RABEP1: variants seen among roughly 807,000 people sequenced by gnomAD.
The protein encoded by RABEP1 is rab GTPase-binding effector protein 1.
In RABEP1, 51 loss-of-function variants were observed where a neutral mutation model predicts 123.4. That is an observed-to-expected ratio of 0.41 (90% CI 0.33 to 0.52). The LOEUF (loss-of-function observed/expected upper bound fraction) is 0.52, where lower values mean the gene tolerates loss of function less well. RABEP1 is among the 20% of genes least tolerant of loss of function. The pLI, the probability that RABEP1 is intolerant of heterozygous loss-of-function variation, is 0.16. For missense variants in RABEP1, 888 were observed against 996.3 expected, an observed-to-expected ratio of 0.89 and a Z score of 1.46; for synonymous variants, 347 against 355.2, an observed-to-expected ratio of 0.98 and a Z score of 0.26.
chr17:5,305,697 AGTG>A (rs995295277), intron 1 of RABEP1, among the ~76,000 whole-genome samples: 1 of 152,166 alleles, frequency 6.6e-6, no homozygotes, highest in Non-Finnish European at 1.5e-5. Context: ...GTAATACTAA[AGTG>A]TTAAGTGGAA....
chr17:5,328,645 TAAAAAAAAAAAAA>T lies in RABEP1; in HGVS notation c.164-3290_164-3278del, dbSNP rs60062792. Among the ~76,000 whole-genome samples, 51 of 54,128 alleles carry T rather than the reference TAAAAAAAAAAAAA, an allele frequency of 9.4e-4. 1 individual carries two copies. The highest frequency in any genetic ancestry group is 4.1e-3 in the African/African-American group (50 of 12,078). 35.5% of individuals were successfully genotyped at this position (54,128 alleles called of 152,430 possible). On this transcript the variant is annotated intron_variant, in intron 2 of 17. Coordinates refer to ENST00000537505, the MANE Select transcript of RABEP1 (RefSeq NM_004703.6). ...TGGGCGATAGAGTGAGACGCTGTGT[TAAAAAAAAAAAAA>T]AAAAAAAAAAAAAGCCGGGCGCAGT...
Position 5,375,613 on chromosome 17 carries a change from G to C in RABEP1, c.2026-1503G>C, listed in dbSNP as rs577397481. Among the ~76,000 whole-genome samples, 87 of 152,222 alleles carry C rather than the reference G, an allele frequency of 5.7e-4. 1 individual carries two copies. The highest frequency in any genetic ancestry group is 2.0e-3 in the African/African-American group (85 of 41,542). On this transcript the variant is annotated intron_variant, in intron 13 of 17. Transcript: ENST00000537505. Reference sequence around the variant, plus strand: ...ACAACTACTTGGGAGGCTGAGGTGGGAGGGGTCGCCTGAGCCCAGGAGGTC... The same window carrying C: ...ACAACTACTTGGGAGGCTGAGGTGGCAGGGGTCGCCTGAGCCCAGGAGGTC...
intron 16 of RABEP1, among the ~76,000 whole-genome samples, chr17:5,381,154 A>C (rs912472926): frequency 1.3e-5 from 2 of 152,134 alleles, no homozygotes; most frequent in African/African-American, 4.8e-5. Context: ...GGAGGGCAGC[A>C]CTTTAATCCA....
At position 5,386,308 on chromosome 17, in the gene RABEP1, T is replaced by TA; in HGVS notation, c.*3088dup. ...AAGTCACTCACTTTTGGAATTATAA[T>TA]AAACCATTTATATGGATTCTTAAGA... On this transcript the variant is annotated 3_prime_UTR_variant, in exon 18 of 18. Transcript: ENST00000537505. 4 of 1,438,028 alleles carry TA rather than the reference T, an allele frequency of 2.8e-6. No individual in the cohort carries two copies. Among genetic ancestry groups the TA allele is most frequent in the Non-Finnish European group, 3.9e-6 (4 of 1,032,694 alleles). 89.1% of individuals were successfully genotyped at this position (1,438,028 alleles called of 1,614,324 possible).
At chr17:5,290,524 C>T (rs2075023055) in intron 1 of RABEP1, among the ~76,000 whole-genome samples, 4 of 152,056 alleles carry the variant, frequency 2.6e-5, no homozygotes, top group Admixed American at 2.6e-4. Flanking sequence ...CTTAAGAGAG[C>T]ATATATCATT....
chr17:5,317,440 C>CA (rs1220753653), intron 2 of RABEP1, among the ~76,000 whole-genome samples: 1 of 152,100 alleles, frequency 6.6e-6, no homozygotes. Flanking sequence ...TGGGCTTCTA[C>CA]AAAAAACTTA....
chr17:5,330,183 T>G (rs2144594091), intron 2 of RABEP1, among the ~76,000 whole-genome samples: 1 of 152,356 alleles, frequency 6.6e-6, no homozygotes, highest in Non-Finnish European at 1.5e-5. Context: ...CTTTGTGGTT[T>G]CACGTGTTTA....
intron 2 of RABEP1, among the ~76,000 whole-genome samples, chr17:5,331,083 A>T (rs1005002603): frequency 7.4e-6 from 1 of 134,896 alleles, no homozygotes; most frequent in Non-Finnish European, 1.5e-5. Context: ...GACTGGGAAA[A>T]GTTTTGTAAG....
intron 11 of RABEP1, among the ~76,000 whole-genome samples, chr17:5,367,587 TA>T (rs879472839): frequency 1.5e-4 from 23 of 151,000 alleles, no homozygotes; most frequent in South Asian, 2.2e-4. Flanking sequence ...AACTTTTTTT[TA>T]AAAAAAGTAT....
chr17:5,290,954 A>G (rs80172399), intron 1 of RABEP1, among the ~76,000 whole-genome samples: 20,653 of 152,132 alleles, frequency 0.14, 1,463 homozygotes, highest in East Asian at 0.18. Context: ...CACTTTCACA[A>G]TTGAGGCTAT....
Position 5,339,435 on chromosome 17 carries a change from A to C in RABEP1, c.648+1297A>C, listed in dbSNP as rs572066227. ...GAGATGGGAGAATTACTTCAACCCA[A>C]AAGGTTGAAGTTGCAGTGAACCATG... On this transcript the variant is annotated intron_variant, in intron 5 of 17. Transcript: ENST00000537505. 2.0e-5 allele frequency among the ~76,000 whole-genome samples: 3 copies of C among 152,202 alleles called. No individual in the cohort carries two copies. The South Asian group carries it at 6.2e-4, about 32-fold the overall frequency.
chr17:5,331,509 C>A (rs139803888), intron 2 of RABEP1, among the ~76,000 whole-genome samples: 182 of 152,290 alleles, frequency 1.2e-3, no homozygotes, highest in African/African-American at 4.0e-3. Context: ...CTTTAAAGAA[C>A]ATACGTCTAG....
intron 2 of RABEP1, among the ~76,000 whole-genome samples, chr17:5,325,293 G>C (rs748610356): frequency 1.1e-4 from 16 of 152,012 alleles, no homozygotes; most frequent in Non-Finnish European, 1.8e-4. Context: ...CCAAGATCGT[G>C]CCACTCACTG....
chr17:5,378,282 C>T (rs2144729450), intron 15 of RABEP1, 50 bp downstream of exon 15: 3 of 1,431,946 alleles, frequency 2.1e-6, no homozygotes, highest in Non-Finnish European at 9.9e-7. Context: ...TGGTTATTTA[C>T]TGACTCCTAC....
At position 5,316,608 on chromosome 17, in the gene RABEP1, G is replaced by A. The variant is rs138048969; in HGVS notation, c.163+7786G>A. ...AGCACTTTGGGAGGCCAAGGTGGGC[G>A]GATTGCATGAGGTCAGGAGTTCAAG... On this transcript the variant is annotated intron_variant, in intron 2 of 17. Transcript: ENST00000537505. Among the ~76,000 whole-genome samples the A allele has an allele frequency of 1.4e-3, 215 of 151,710 alleles. 1 individual carries two copies. The highest frequency in any genetic ancestry group is 4.8e-3 in the African/African-American group (200 of 41,436).
chr17:5,349,642 A>G (rs1224135516), intron 6 of RABEP1, among the ~76,000 whole-genome samples: 2 of 152,118 alleles, frequency 1.3e-5, no homozygotes, highest in Non-Finnish European at 2.9e-5. Flanking sequence ...TGTTTATTCC[A>G]CCTTTGGCCT....
In RABEP1 at chr17:5,319,448, C is replaced by T. The variant is rs183260921; in HGVS notation, c.163+10626C>T. Reference sequence around the variant, plus strand: ...GTGCCGCAATCTCGGCTCACTGCAACCTCTGCCTCCCAGGTTCAAGTGATT... The same window carrying T: ...GTGCCGCAATCTCGGCTCACTGCAATCTCTGCCTCCCAGGTTCAAGTGATT... On this transcript the variant is annotated intron_variant, in intron 2 of 17. Coordinates refer to ENST00000537505, the MANE Select transcript of RABEP1 (RefSeq NM_004703.6). Among the ~76,000 whole-genome samples, 505 of 151,966 alleles carry T rather than the reference C, an allele frequency of 3.3e-3. 2 individuals carry two copies. The highest frequency in any genetic ancestry group is 0.012 in the African/African-American group (482 of 41,480).
At chr17:5,352,203 T>C (rs181493264) in intron 7 of RABEP1, among the ~76,000 whole-genome samples, 8 of 152,098 alleles carry the variant, frequency 5.3e-5, no homozygotes, top group African/African-American at 1.7e-4. Flanking sequence ...TTTTTTTTCT[T>C]TTTTTTGAGA....
At position 5,380,393 on chromosome 17, in the gene RABEP1, A is replaced by ATG; in HGVS notation, c.2301_2302insTG (p.Gln768CysfsTer9). On this transcript the variant is annotated frameshift_variant, in exon 16 of 18. Coordinates refer to ENST00000537505, the MANE Select transcript of RABEP1 (RefSeq NM_004703.6). LOFTEE classifies it high-confidence loss of function. ...AGTCCACATTAAGAGAGAAGTCTCA[A>ATG]CAGCTTGAGAGTCTTCAGGAAATAA... 6.4e-7 allele frequency: 1 copy of ATG among 1,573,420 alleles called. No homozygotes were observed. The highest frequency in any genetic ancestry group is 8.6e-7 in the Non-Finnish European group (1 of 1,158,098).
Sources: gnomAD v4.1 joint callset for allele counts (sites outside exome capture counted in the v4.1 genomes callset) on GRCh38, gnomAD v4.1.1 for gene constraint, MANE v1.5 for transcripts, NCBI Gene and HGNC (gene_info 2026-07-23, HGNC 2026-07-21) for gene names.